ZDHHC3: variants seen among roughly 807,000 people sequenced by gnomAD.
ZDHHC3 encodes the protein zDHHC palmitoyltransferase 3.
A neutral mutation model predicts 30.6 loss-of-function variants in ZDHHC3; 9 were observed. That is an observed-to-expected ratio of 0.29 (90% CI 0.18 to 0.51). ZDHHC3 has a LOEUF of 0.51. Ranked by LOEUF, ZDHHC3 falls within the 20% of genes least tolerant of loss-of-function variation. The probability of loss-of-function intolerance (pLI) is 0.97; values close to 1 mark genes in which losing one functional copy is unlikely to be tolerated. For synonymous variants in ZDHHC3, 136 were observed against 140.2 expected, an observed-to-expected ratio of 0.97 and a Z score of 0.21; for missense variants, 246 against 384.2, an observed-to-expected ratio of 0.64 and a Z score of 3.01.
chr3:44,958,570 T>G (rs1463991817), intron 2 of ZDHHC3: 1 of 1,535,420 alleles, frequency 6.5e-7, no homozygotes, highest in African/African-American at 1.4e-5. Context: ...CACTACTGCT[T>G]TACCCACAGA....
At chr3:44,943,499 C>T (rs1261125548) in intron 3 of ZDHHC3, among the ~76,000 whole-genome samples, 1 of 152,068 alleles carries the variant, frequency 6.6e-6, no homozygotes, top group East Asian at 1.9e-4. Context: ...TGGAGACTGG[C>T]CACTCTCCTC....
chr3:44,917,683 A>G lies in ZDHHC3; in HGVS notation c.*9006T>C, dbSNP rs960418501. The G allele has an allele frequency of 1.5e-5, 6 of 403,426 alleles. No homozygotes were observed. The highest frequency in any genetic ancestry group is 1.2e-4 in the South Asian group (6 of 48,066). 25.0% of individuals were successfully genotyped at this position (403,426 alleles called of 1,614,324 possible). On this transcript the variant is annotated 3_prime_UTR_variant, in exon 7 of 7. Transcript: ENST00000424952. ...TTAGATGAACTCTGAGAAAGCCCCC[A>G]TCCTCCTCTGATGTCCCCAGCCTAC...
chr3:44,947,268 C>T (rs927570026), intron 2 of ZDHHC3, among the ~76,000 whole-genome samples: 10 of 152,150 alleles, frequency 6.6e-5, no homozygotes, highest in African/African-American at 2.4e-4. Flanking sequence ...TATGCTGAGT[C>T]TGAAGTGCCT....
At chr3:44,952,875 T>C (rs1703590651) in intron 2 of ZDHHC3, among the ~76,000 whole-genome samples, 1 of 152,238 alleles carries the variant, frequency 6.6e-6, no homozygotes, top group Non-Finnish European at 1.5e-5. Context: ...ATGTATAGTA[T>C]GGAACACGTC....
In ZDHHC3 at chr3:44,918,541, T is replaced by A. The variant is rs978106090; in HGVS notation, c.*8148A>T. The stretch of plus-strand genomic sequence containing the variant: ...AGGCCACTACAAACTGGTGATCCCC[T>A]CCTAAATATTTTTGGCCACTCCCAC... On this transcript the variant is annotated 3_prime_UTR_variant, in exon 7 of 7. Coordinates refer to ENST00000424952, the MANE Select transcript of ZDHHC3 (RefSeq NM_001135179.2). 1.0e-6 allele frequency: 1 copy of A among 985,180 alleles called. No individual in the cohort carries two copies. The highest frequency in any genetic ancestry group is 1.2e-6 in the Non-Finnish European group (1 of 829,914). The allele number at this position is 985,180 out of a possible 1,614,324, so 61.0% of individuals were successfully genotyped here.
Position 44,924,919 on chromosome 3 carries a change from G to A in ZDHHC3, c.*1770C>T. On this transcript the variant is annotated 3_prime_UTR_variant, in exon 7 of 7. Transcript: ENST00000424952. ...CACGAGGTAAAGTTAACTGACTCAGGAAAGCTCTTAGGAGAGCCCATCAGC... is the reference window on the plus strand; with the variant it reads ...CACGAGGTAAAGTTAACTGACTCAGAAAAGCTCTTAGGAGAGCCCATCAGC... 1.0e-6 allele frequency: 1 copy of A among 985,532 alleles called. No homozygotes were observed. The highest frequency in any genetic ancestry group is 1.2e-6 in the Non-Finnish European group (1 of 829,950). 61.0% of individuals were successfully genotyped at this position (985,532 alleles called of 1,614,324 possible). A position where few individuals can be genotyped will look rare whatever the true frequency, so the allele number is the denominator to read the frequency against.
In ZDHHC3 at chr3:44,920,609, G is replaced by T; in HGVS notation, c.*6080C>A. 1.0e-6 allele frequency: 1 copy of T among 985,422 alleles called. No individual in the cohort carries two copies. Among genetic ancestry groups the T allele is most frequent in the Non-Finnish European group, 1.2e-6 (1 of 829,914 alleles). The allele number at this position is 985,422 out of a possible 1,614,324, so 61.0% of individuals were successfully genotyped here. On this transcript the variant is annotated 3_prime_UTR_variant, in exon 7 of 7. Transcript: ENST00000424952. Reference sequence around the variant, plus strand: ...TTGTTATGTATCAGAACTGGAACCAGAACTAGTGTCTTTTTTTCTGCCCAA... The same window carrying T: ...TTGTTATGTATCAGAACTGGAACCATAACTAGTGTCTTTTTTTCTGCCCAA...
chr3:44,945,301 A>G lies in ZDHHC3; in HGVS notation c.307-9T>C. On this transcript the variant is annotated splice_polypyrimidine_tract_variant and intron_variant, in intron 2 of 6. Coordinates refer to ENST00000424952, the MANE Select transcript of ZDHHC3 (RefSeq NM_001135179.2). Reference sequence around the variant, plus strand: ...CCTTTGGGCACTGCCCCCTGTAGGAAAGATGAAAGGTATCAGGGTTGGGCT... The same window carrying G: ...CCTTTGGGCACTGCCCCCTGTAGGAGAGATGAAAGGTATCAGGGTTGGGCT... The G allele has an allele frequency of 6.2e-7, 1 of 1,614,212 alleles. No homozygotes were observed. Among genetic ancestry groups the G allele is most frequent in the South Asian group, 1.1e-5 (1 of 91,090 alleles).
Position 44,925,444 on chromosome 3 carries a change from C to T in ZDHHC3, c.*1245G>A. The T allele has an allele frequency of 1.0e-6, 1 of 985,498 alleles. No individual in the cohort carries two copies. The highest frequency in any genetic ancestry group is 1.2e-6 in the Non-Finnish European group (1 of 829,944). 61.0% of individuals were successfully genotyped at this position (985,498 alleles called of 1,614,324 possible). A position where few individuals can be genotyped will look rare whatever the true frequency, so the allele number is the denominator to read the frequency against. The stretch of plus-strand genomic sequence containing the variant: ...ATTTGTTATTTTTGCACTTGGAGGG[C>T]ACTCCCTACCTCCTTCACCTCTATC... On this transcript the variant is annotated 3_prime_UTR_variant, in exon 7 of 7. Coordinates refer to ENST00000424952, the MANE Select transcript of ZDHHC3 (RefSeq NM_001135179.2).
chr3:44,926,638 T>C lies in ZDHHC3; in HGVS notation c.*51A>G, dbSNP rs1701015450. The C allele has an allele frequency of 6.7e-7, 1 of 1,500,384 alleles. No homozygotes were observed. Among genetic ancestry groups the C allele is most frequent in the Admixed American group, 2.5e-5 (1 of 40,636 alleles). 92.9% of individuals were successfully genotyped at this position (1,500,384 alleles called of 1,614,324 possible). A position where few individuals can be genotyped will look rare whatever the true frequency, so the allele number is the denominator to read the frequency against. ...ACATTCATGAGAACGGATGGGACGG[T>C]AGTGCTGTGGTGTGGACTTGTGTCT... On this transcript the variant is annotated 3_prime_UTR_variant, in exon 7 of 7. Transcript: ENST00000424952.
chr3:44,928,947 A>C (rs571076515), intron 6 of ZDHHC3, among the ~76,000 whole-genome samples: 43 of 152,288 alleles, frequency 2.8e-4, no homozygotes, highest in African/African-American at 9.4e-4. Flanking sequence ...CTCTATTTCA[A>C]GCCTGTGGCC....
intron 2 of ZDHHC3, among the ~76,000 whole-genome samples, chr3:44,954,103 G>T (rs1249432964): frequency 1.3e-5 from 2 of 152,142 alleles, no homozygotes; most frequent in Non-Finnish European, 2.9e-5. Context: ...TCCACTCAAT[G>T]ACTTTTGGCA....
chr3:44,952,811 A>G (rs1703583570), intron 2 of ZDHHC3, among the ~76,000 whole-genome samples: 1 of 152,214 alleles, frequency 6.6e-6, no homozygotes, highest in South Asian at 2.1e-4. Context: ...TCATGGCCCC[A>G]GGCCACATCC....
Position 44,924,391 on chromosome 3 carries a change from C to G in ZDHHC3, c.*2298G>C. The G allele has an allele frequency of 1.0e-6, 1 of 985,412 alleles. No homozygotes were observed. Among genetic ancestry groups the G allele is most frequent in the East Asian group, 1.1e-4 (1 of 8,822 alleles). The allele number at this position is 985,412 out of a possible 1,614,324, so 61.0% of individuals were successfully genotyped here. A position where few individuals can be genotyped will look rare whatever the true frequency, so the allele number is the denominator to read the frequency against. On this transcript the variant is annotated 3_prime_UTR_variant, in exon 7 of 7. Coordinates refer to ENST00000424952, the MANE Select transcript of ZDHHC3 (RefSeq NM_001135179.2). Reference sequence around the variant, plus strand: ...AAAATGCCAGGAACCTTGGGGTATTCCTATCTTCTGAGAGCAACTGGTTTG... The same window carrying G: ...AAAATGCCAGGAACCTTGGGGTATTGCTATCTTCTGAGAGCAACTGGTTTG...
chr3:44,972,805 G>C (rs571523078), intron 1 of ZDHHC3, among the ~76,000 whole-genome samples: 31 of 152,246 alleles, frequency 2.0e-4, no homozygotes, highest in Non-Finnish European at 4.1e-4. Context: ...GTTGTGTTTT[G>C]AGTTTATCTC....
In ZDHHC3 at chr3:44,922,769, G is replaced by A. The variant is rs536697135; in HGVS notation, c.*3920C>T. ...GGTTCGGTAGCCTGGGGTGGGGACCGAGAATGTGCATTTCTAACAAGTTCT... is the reference window on the plus strand; with the variant it reads ...GGTTCGGTAGCCTGGGGTGGGGACCAAGAATGTGCATTTCTAACAAGTTCT... On this transcript the variant is annotated 3_prime_UTR_variant, in exon 7 of 7. Coordinates refer to ENST00000424952, the MANE Select transcript of ZDHHC3 (RefSeq NM_001135179.2). 1.2e-5 allele frequency: 12 copies of A among 984,760 alleles called. No individual in the cohort carries two copies. The Admixed American group carries it at 4.9e-4, about 40-fold the overall frequency. 61.0% of individuals were successfully genotyped at this position (984,760 alleles called of 1,614,324 possible).
In ZDHHC3 at chr3:44,917,745, A is replaced by G. The variant is rs539606793; in HGVS notation, c.*8944T>C. 6 of 951,006 alleles carry G rather than the reference A, an allele frequency of 6.3e-6. No homozygotes were observed. Among genetic ancestry groups the G allele is most frequent in the African/African-American group, 3.4e-5 (2 of 58,164 alleles). 58.9% of individuals were successfully genotyped at this position (951,006 alleles called of 1,614,324 possible). A position where few individuals can be genotyped will look rare whatever the true frequency, so the allele number is the denominator to read the frequency against. Reference sequence around the variant, plus strand: ...AGACCTGGCCCAACATGGAGAGAAGAAGGAGGGGAAATGGCAAGGCCAAGC... The same window carrying G: ...AGACCTGGCCCAACATGGAGAGAAGGAGGAGGGGAAATGGCAAGGCCAAGC... On this transcript the variant is annotated 3_prime_UTR_variant, in exon 7 of 7. Transcript: ENST00000424952.
chr3:44,929,279 A>C (rs1161113453), intron 6 of ZDHHC3, 27 bp downstream of exon 6: 2 of 1,611,816 alleles, frequency 1.2e-6, no homozygotes, highest in South Asian at 2.2e-5. Flanking sequence ...CCAGGTGTGG[A>C]AATGGTGGGC....
chr3:44,960,466 A>C (rs901939348), intron 1 of ZDHHC3, among the ~76,000 whole-genome samples: 1 of 152,244 alleles, frequency 6.6e-6, no homozygotes, highest in Non-Finnish European at 1.5e-5. Context: ...TTCTCTCTAG[A>C]AGCTGCAATT....
Sources: gnomAD v4.1 joint callset for allele counts (sites outside exome capture counted in the v4.1 genomes callset) on GRCh38, gnomAD v4.1.1 for gene constraint, MANE v1.5 for transcripts, NCBI Gene and HGNC (gene_info 2026-07-23, HGNC 2026-07-21) for gene names.